The following ACOXL variants were observed in gnomAD, a reference collection of about 807,000 sequenced individuals.
The protein encoded by ACOXL is acyl-CoA oxidase like.
In ACOXL, 70 loss-of-function variants were observed where a neutral mutation model predicts 71.9. The observed-to-expected ratio is 0.97, with a 90% confidence interval of 0.80 to 1.19. ACOXL has a LOEUF of 1.19. Among genes scored for constraint, ACOXL ranks in the 50% most tolerant of loss-of-function variants. The probability of loss-of-function intolerance (pLI) is 0.00; values close to 1 mark genes in which losing one functional copy is unlikely to be tolerated. For missense variants in ACOXL, 703 were observed against 736.3 expected, an observed-to-expected ratio of 0.95 and a Z score of 0.52; for synonymous variants, 253 against 281.6, an observed-to-expected ratio of 0.90 and a Z score of 1.02.
chr2:110,805,229 C>CT (rs1279550895), intron 8 of ACOXL, 34 bp from the exon 9 acceptor site: 1 of 1,612,778 alleles, frequency 6.2e-7, no homozygotes, highest in Admixed American at 1.7e-5. Flanking sequence ...CTATGTCCTG[C>CT]TTTTTTGTGA....
intron 9 of ACOXL, among the ~76,000 whole-genome samples, chr2:110,813,500 C>T (rs992422034): frequency 4.6e-5 from 7 of 152,150 alleles, no homozygotes; most frequent in African/African-American, 1.7e-4. Context: ...CTGTGAGGAG[C>T]TTCCCAGGCT....
intron 10 of ACOXL, among the ~76,000 whole-genome samples, chr2:110,860,409 G>T (rs991901941): frequency 3.0e-4 from 45 of 152,262 alleles, no homozygotes; most frequent in African/African-American, 1.0e-3. Flanking sequence ...ATGAGCCACC[G>T]CGCCCAGCCT....
chr2:110,950,810 G>GGAGAGAGAGAGAGA (rs71383892), intron 12 of ACOXL, among the ~76,000 whole-genome samples: 5,132 of 142,672 alleles, frequency 0.036, 139 homozygotes, highest in South Asian at 0.11. Context: ...GGTGGGGGGT[G>GGAGAGAGAGAGAGA]GAGAGAGAGA....
chr2:110,947,870 T>C (rs1458409397), intron 12 of ACOXL, among the ~76,000 whole-genome samples: 1 of 152,214 alleles, frequency 6.6e-6, no homozygotes, highest in Non-Finnish European at 1.5e-5. Context: ...TCCTGCAGTG[T>C]CTCCTGGCCC....
chr2:110,934,952 C>A (rs551011752), intron 12 of ACOXL, among the ~76,000 whole-genome samples: 1 of 152,134 alleles, frequency 6.6e-6, no homozygotes, highest in Non-Finnish European at 1.5e-5. Context: ...GGCAATGGCG[C>A]GATGTGACTC....
At chr2:111,058,360 A>G (rs1183354349) in intron 16 of ACOXL, among the ~76,000 whole-genome samples, 1 of 152,180 alleles carries the variant, frequency 6.6e-6, no homozygotes. Flanking sequence ...CAGAATTACC[A>G]GGTGTCTAGG....
intron 12 of ACOXL, among the ~76,000 whole-genome samples, chr2:110,964,129 A>G (rs1040356506): frequency 3.9e-5 from 6 of 152,176 alleles, no homozygotes; most frequent in African/African-American, 1.4e-4. Context: ...TCATGTTTTC[A>G]AGTATGTTGA....
At chr2:110,863,803 G>A (rs1410381172) in intron 10 of ACOXL, among the ~76,000 whole-genome samples, 3 of 152,112 alleles carry the variant, frequency 2.0e-5, no homozygotes, top group Non-Finnish European at 2.9e-5. Flanking sequence ...TGGGTCCTTC[G>A]TTTTGCCTTT....
intron 16 of ACOXL, among the ~76,000 whole-genome samples, chr2:111,076,088 G>T (rs1479092248): frequency 6.6e-6 from 1 of 151,828 alleles, no homozygotes; most frequent in Non-Finnish European, 1.5e-5. Flanking sequence ...AGATCTAGTT[G>T]GTTGATAATG....
rs67902010 is a variant in ACOXL at position 110,997,346 on chromosome 2, G to GAA, written c.1281+1349_1281+1350dup. Among the ~76,000 whole-genome samples, 311 of 151,650 alleles carry GAA rather than the reference G, an allele frequency of 2.1e-3. 1 individual carries two copies. Among genetic ancestry groups the GAA allele is most frequent in the Middle Eastern group, 3.4e-3 (1 of 292 alleles). On this transcript the variant is annotated intron_variant, in intron 14 of 17. Coordinates refer to ENST00000439055, the MANE Select transcript of ACOXL (RefSeq NM_001142807.4). Reference sequence around the variant, plus strand: ...TTCCTTCATTTCCATTATGCTAACGGAAAAAAAAGACTTATACTTAGACAT... The same window carrying GAA: ...TTCCTTCATTTCCATTATGCTAACGGAAAAAAAAAAGACTTATACTTAGACAT...
intron 9 of ACOXL, 63 bp from the exon 10 acceptor site, chr2:110,841,308 C>T: frequency 7.7e-7 from 1 of 1,291,020 alleles, no homozygotes; most frequent in Non-Finnish European, 1.1e-6. Context: ...AGTTAATTTT[C>T]TTGTGTGAAT....
intron 15 of ACOXL, among the ~76,000 whole-genome samples, chr2:111,042,925 G>A (rs1026113787): frequency 6.6e-6 from 1 of 152,208 alleles, no homozygotes; most frequent in African/African-American, 2.4e-5. Flanking sequence ...AGTGGGGGTC[G>A]AAAGGAGGGT....
chr2:110,785,197 T>C (rs1013797373), intron 3 of ACOXL, among the ~76,000 whole-genome samples: 5 of 152,210 alleles, frequency 3.3e-5, no homozygotes, highest in African/African-American at 9.6e-5. Context: ...CATTTTGAAA[T>C]AATAATGCTC....
At chr2:110,924,255 G>A (rs917405002) in intron 11 of ACOXL, among the ~76,000 whole-genome samples, 1 of 152,204 alleles carries the variant, frequency 6.6e-6, no homozygotes, top group Non-Finnish European at 1.5e-5. Context: ...GATGGCTGCT[G>A]ACTGAGCAGG....
chr2:110,868,615 G>T (rs1694898851), intron 10 of ACOXL, among the ~76,000 whole-genome samples: 1 of 151,852 alleles, frequency 6.6e-6, no homozygotes, highest in Non-Finnish European at 1.5e-5. Context: ...TCAAAACAGT[G>T]CCTCACTCTG....
At chr2:111,057,196 A>C (rs1256731552) in intron 16 of ACOXL, among the ~76,000 whole-genome samples, 1 of 152,178 alleles carries the variant, frequency 6.6e-6, no homozygotes, top group African/African-American at 2.4e-5. Flanking sequence ...TGTGGGTTCC[A>C]CTGTGCATGC....
At chr2:110,911,840 A>G (rs1208336975) in intron 11 of ACOXL, among the ~76,000 whole-genome samples, 3 of 152,222 alleles carry the variant, frequency 2.0e-5, no homozygotes, top group Non-Finnish European at 2.9e-5. Flanking sequence ...TCTATTTAAC[A>G]TCATGTTGAG....
At chr2:110,908,644 C>T (rs1269187914) in intron 10 of ACOXL, 145 bp from the exon 11 acceptor site, 1 of 661,070 alleles carries the variant, frequency 1.5e-6, no homozygotes, top group African/African-American at 1.8e-5. Flanking sequence ...GGCTGTCTTG[C>T]CCTAACCACA....
chr2:110,893,745 T>A (rs1299983497), intron 10 of ACOXL, among the ~76,000 whole-genome samples: 1 of 152,196 alleles, frequency 6.6e-6, no homozygotes, highest in African/African-American at 2.4e-5. Context: ...TTGAATATGT[T>A]AATATATGTT....
Sources: allele counts gnomAD v4.1 joint callset (sites outside exome capture counted in the v4.1 genomes callset), GRCh38; gene constraint gnomAD v4.1.1; transcripts MANE v1.5; gene names NCBI Gene and HGNC (gene_info 2026-07-23, HGNC 2026-07-21).